The following GLRX2 variants were observed in gnomAD, a reference collection of about 807,000 sequenced individuals.
GLRX2 encodes glutaredoxin 2, also known as bA101E13.1 (GRX2 glutaredoxin (thioltransferase) 2).
GLRX2 carries 12 observed loss-of-function variants against 16.4 expected under a neutral mutation model. The observed-to-expected ratio is 0.73, with a 90% CI of 0.47 to 1.19. GLRX2 has a LOEUF of 1.19. Among genes scored for constraint, GLRX2 ranks in the 50% most tolerant of loss-of-function variants. The pLI is 0.00. For missense variants in GLRX2, 201 were observed against 201.8 expected, an observed-to-expected ratio of 1.00 and a Z score of 0.02; for synonymous variants, 95 against 76.2, an observed-to-expected ratio of 1.25 and a Z score of -1.28.
At chr1:193,105,419 G>T (rs1440868560), upstream of GLRX2, 5 of 1,483,518 alleles carry the variant, frequency 3.4e-6, no homozygotes, top group African/African-American at 1.5e-5. Context: ...TCTACTGCCG[G>T]ACACCGCGGA....
rs748654176 is a variant in GLRX2 at position 193,096,756 on chromosome 1, G to A, written c.364C>T (p.Pro122Ser). 4 of 1,604,462 alleles carry A rather than the reference G, an allele frequency of 2.5e-6. No homozygotes were observed. The highest frequency in any genetic ancestry group is 3.4e-5 in the Admixed American group (2 of 58,286). Residue 122 changes from proline (P) to serine (S), a missense_variant, in exon 4 of 4, where the codon CCA (proline) becomes TCA (serine). Transcript: ENST00000367439. ...LYKMTGERTV[P>S]RIFVNGTFIG... ...AAAGTACCATTGACAAATATTCTTGGAACCTGTTGGACAAACAAAAGAAGA... is the reference window on the plus strand; with the variant it reads ...AAAGTACCATTGACAAATATTCTTGAAACCTGTTGGACAAACAAAAGAAGA...
At chr1:193,100,064 A>G (rs1459463842) in intron 2 of GLRX2, among the ~76,000 whole-genome samples, 1 of 152,176 alleles carries the variant, frequency 6.6e-6, no homozygotes, top group Non-Finnish European at 1.5e-5. Flanking sequence ...ACTGATGAAG[A>G]GATTCCAAAG....
chr1:193,101,679 A>T (rs1429249548), intron 1 of GLRX2, among the ~76,000 whole-genome samples: 1 of 152,246 alleles, frequency 6.6e-6, no homozygotes, highest in African/African-American at 2.4e-5. Flanking sequence ...TAGTCTGCAA[A>T]GTGGAAACAA....
At chr1:193,101,768 T>C (rs1675081346) in intron 1 of GLRX2, among the ~76,000 whole-genome samples, 2 of 152,220 alleles carry the variant, frequency 1.3e-5, no homozygotes, top group South Asian at 2.1e-4. Context: ...GCCTTCCACA[T>C]AGTAAATGCT....
At chr1:193,105,858 A>G (rs894224175), upstream of GLRX2, 4 of 1,229,330 alleles carry the variant, frequency 3.3e-6, no homozygotes, top group African/African-American at 6.3e-5. Flanking sequence ...ATATCCTCTT[A>G]TAATTAGGCA....
At chr1:193,105,947 G>T, upstream of GLRX2, 2 of 1,022,496 alleles carry the variant, frequency 2.0e-6, no homozygotes, top group Non-Finnish European at 2.3e-6. Flanking sequence ...GGTGTTGAAG[G>T]TTTACTCCAA....
chr1:193,102,917 C>T (rs955641799), intron 1 of GLRX2, among the ~76,000 whole-genome samples: 2 of 152,108 alleles, frequency 1.3e-5, no homozygotes, highest in African/African-American at 4.8e-5. Context: ...AGCATATGGA[C>T]TCTGTATAAG....
intron 2 of GLRX2, among the ~76,000 whole-genome samples, chr1:193,098,332 G>A (rs1432895174): frequency 6.6e-6 from 1 of 152,070 alleles, no homozygotes; most frequent in East Asian, 1.9e-4. Context: ...CTTGAGGTAA[G>A]GAGTTCGAGA....
upstream of GLRX2, chr1:193,105,485 C>T (rs2103103276): frequency 6.7e-7 from 1 of 1,493,344 alleles, no homozygotes; most frequent in Non-Finnish European, 8.9e-7. Context: ...CCCGTCCCGC[C>T]CCTCCGGACT....
At chr1:193,097,474 T>C in intron 3 of GLRX2, 110 bp downstream of exon 3, 2 of 749,034 alleles carry the variant, frequency 2.7e-6, no homozygotes, top group Non-Finnish European at 4.1e-6. Context: ...AGCTGCTTTA[T>C]CTATCCTCAG....
At chr1:193,100,968 G>GA (rs1675062709) in intron 2 of GLRX2, among the ~76,000 whole-genome samples, 173 bp downstream of exon 2, 1 of 152,128 alleles carries the variant, frequency 6.6e-6, no homozygotes, top group African/African-American at 2.4e-5. Context: ...AATGATCTAG[G>GA]ACTTCTTAGT....
Position 193,105,356 on chromosome 1 carries a change from C to G in GLRX2, c.27G>C (p.Ala9=), listed in dbSNP as rs527549646. 5.2e-6 allele frequency: 8 copies of G among 1,548,054 alleles called. 1 individual carries two copies. In the South Asian group the frequency reaches 8.2e-5, roughly 16 times the overall value. The change falls in exon 1 of 4, where the codon GCG becomes GCC. Residue 9 remains alanine, a synonymous_variant. Transcript: ENST00000367439. The part of the protein sequence containing the change: MIWRRAAL[A]GTRLVWSRSG... Reference sequence around the variant, plus strand: ...TCCTGCTCCAAACCAGCCGCGTCCCCGCCAGCGCCGCGCGGCGCCAAATCA... The same window carrying G: ...TCCTGCTCCAAACCAGCCGCGTCCCGGCCAGCGCCGCGCGGCGCCAAATCA...
upstream of GLRX2, chr1:193,105,429 A>G (rs1228885837): frequency 3.4e-6 from 5 of 1,463,680 alleles, no homozygotes; most frequent in Non-Finnish European, 2.7e-6. Context: ...GACACCGCGG[A>G]TCCCGGGAGC....
rs1388090365 is a variant in GLRX2 at position 193,105,346 on chromosome 1, G to A, written c.37C>T (p.Leu13=). The A allele has an allele frequency of 1.3e-6, 2 of 1,547,770 alleles. No individual in the cohort carries two copies. The highest frequency in any genetic ancestry group is 1.7e-6 in the Non-Finnish European group (2 of 1,156,956). Residue 13 remains leucine, a synonymous_variant, in exon 1 of 4, where the codon CTG becomes TTG. Transcript: ENST00000367439. ...GCCGAGCCGCTCCTGCTCCAAACCA[G>A]CCGCGTCCCCGCCAGCGCCGCGCGG... ...WRRAALAGTR[L]VWSRSGSAGW...
At chr1:193,100,867 G>T (rs1675060839) in intron 2 of GLRX2, among the ~76,000 whole-genome samples, 1 of 152,202 alleles carries the variant, frequency 6.6e-6, no homozygotes, top group Non-Finnish European at 1.5e-5. Context: ...CCTCAAGTGG[G>T]TATGATGAAA....
rs763250305 is a variant in GLRX2 at position 193,105,386 on chromosome 1, C to G, written c.-4G>C. The G allele has an allele frequency of 1.3e-6, 2 of 1,540,496 alleles. No homozygotes were observed. Among genetic ancestry groups the G allele is most frequent in the Non-Finnish European group, 1.7e-6 (2 of 1,153,920 alleles). ...GCGCCGCGCGGCGCCAAATCATGGT[C>G]AGAGCCCGGATCTGCAGCGAGCTCT... is the stretch of plus-strand genomic sequence containing the variant. On this transcript the variant is annotated 5_prime_UTR_variant, in exon 1 of 4. Coordinates refer to ENST00000367439, the MANE Select transcript of GLRX2 (RefSeq NM_197962.3).
chr1:193,105,817 G>C, upstream of GLRX2: 1 of 1,319,412 alleles, frequency 7.6e-7, no homozygotes, highest in South Asian at 2.1e-5. Flanking sequence ...TGTTACACAA[G>C]TTTTTGTGTG....
At chr1:193,098,386 C>T (rs1296316291) in intron 2 of GLRX2, among the ~76,000 whole-genome samples, 1 of 152,022 alleles carries the variant, frequency 6.6e-6, no homozygotes, top group African/African-American at 2.4e-5. Flanking sequence ...ACTAAAAACA[C>T]AAAAGTTGCC....
chr1:193,105,305 C>T lies in GLRX2; in HGVS notation c.78G>A (p.Arg26=), dbSNP rs1341477312. ...SRSGSAGWLD[R]AAGAAGAAAA... ...CCGCAGCTCCCGCAGCTCCCGCCGCCCTGTCAAGCCAGCCTGCCGAGCCGC... is the reference window on the plus strand; with the variant it reads ...CCGCAGCTCCCGCAGCTCCCGCCGCTCTGTCAAGCCAGCCTGCCGAGCCGC... Residue 26 remains arginine, a synonymous_variant, in exon 1 of 4, where the codon AGG becomes AGA. Transcript: ENST00000367439. 6.5e-7 allele frequency: 1 copy of T among 1,534,102 alleles called. No individual in the cohort carries two copies. The highest frequency in any genetic ancestry group is 1.4e-5 in the African/African-American group (1 of 70,504).
Sources: allele counts gnomAD v4.1 joint callset (sites outside exome capture counted in the v4.1 genomes callset), GRCh38; gene constraint gnomAD v4.1.1; transcripts MANE v1.5; gene names NCBI Gene and HGNC (gene_info 2026-07-23, HGNC 2026-07-21).